CADM2: variants seen among roughly 807,000 people sequenced by gnomAD.
CADM2 encodes immunoglobulin superfamily member 4D.
A neutral mutation model predicts 49.8 loss-of-function variants in CADM2; 12 were observed. The ratio of observed to expected loss-of-function variants is 0.24; its 90% CI spans 0.15 to 0.39. CADM2 has a LOEUF of 0.39. CADM2 is among the 10% of genes least tolerant of loss of function. The pLI, the probability that CADM2 is intolerant of heterozygous loss-of-function variation, is 1.00. For missense variants in CADM2, 378 were observed against 492.3 expected (o/e 0.77, Z 2.20); for synonymous variants, 214 against 175.4 (o/e 1.22, Z -1.74).
At chr3:85,367,617 GA>G (rs2032879971) in intron 1 of CADM2, among the ~76,000 whole-genome samples, 1 of 151,866 alleles carries the variant, frequency 6.6e-6, no homozygotes, top group South Asian at 2.1e-4. Context: ...ATGGAAATTA[GA>G]AAAAGAATTG....
chr3:85,184,022 G>T (rs2040995115), intron 1 of CADM2, among the ~76,000 whole-genome samples: 1 of 152,084 alleles, frequency 6.6e-6, no homozygotes, highest in Non-Finnish European at 1.5e-5. Context: ...TTAGGTGTTT[G>T]AATGACAAGA....
chr3:86,003,406 A>T (rs1181641542), intron 8 of CADM2, among the ~76,000 whole-genome samples: 1 of 152,140 alleles, frequency 6.6e-6, no homozygotes, highest in East Asian at 1.9e-4. Context: ...GCATCTATGA[A>T]ACTGTGGAAG....
chr3:86,008,419 A>G (rs1203593527), intron 8 of CADM2, among the ~76,000 whole-genome samples: 2 of 152,170 alleles, frequency 1.3e-5, no homozygotes, highest in Non-Finnish European at 2.9e-5. Context: ...GTTTAGAATC[A>G]TTCTAAATTA....
At chr3:85,960,173 ATATTG>A (rs1214924050) in intron 7 of CADM2, among the ~76,000 whole-genome samples, 1 of 151,860 alleles carries the variant, frequency 6.6e-6, no homozygotes, top group Non-Finnish European at 1.5e-5. Flanking sequence ...TCTTGTTTTG[ATATTG>A]TTTACAATAT....
At chr3:85,104,377 T>C (rs1416559111) in intron 1 of CADM2, among the ~76,000 whole-genome samples, 1 of 152,080 alleles carries the variant, frequency 6.6e-6, no homozygotes, top group Admixed American at 6.6e-5. Flanking sequence ...GCGTTATTTC[T>C]GAGGGCTCTG....
chr3:85,169,209 G>C (rs2107681513), intron 1 of CADM2, among the ~76,000 whole-genome samples: 1 of 152,144 alleles, frequency 6.6e-6, no homozygotes, highest in African/African-American at 2.4e-5. Flanking sequence ...GGCAAGTCTA[G>C]TGTCGAACTC....
intron 5 of CADM2, among the ~76,000 whole-genome samples, chr3:85,890,317 T>C (rs1290248906): frequency 6.6e-6 from 1 of 152,042 alleles, no homozygotes. Flanking sequence ...GAAAGGTAAA[T>C]TATGCACTTG....
intron 1 of CADM2, among the ~76,000 whole-genome samples, chr3:85,702,858 A>G (rs1012305574): frequency 6.6e-6 from 1 of 152,146 alleles, no homozygotes. Flanking sequence ...CTCATATTTA[A>G]TCAGTGAACC....
intron 1 of CADM2, among the ~76,000 whole-genome samples, chr3:85,414,231 C>T (rs1318338629): frequency 6.6e-6 from 1 of 152,114 alleles, no homozygotes; most frequent in East Asian, 1.9e-4. Context: ...TTTACGATAT[C>T]TCTTCTGTTT....
rs1044733915 is a variant in CADM2 at position 85,917,403 on chromosome 3, G to A, written c.700+4860G>A. On this transcript the variant is annotated intron_variant, in intron 6 of 9. Transcript: ENST00000383699. Reference sequence around the variant, plus strand: ...CTACATATGGCTAGCCAGTTTTCCCGGCACCATTTATTAAATAGGGAATCC... The same window carrying A: ...CTACATATGGCTAGCCAGTTTTCCCAGCACCATTTATTAAATAGGGAATCC... Among the ~76,000 whole-genome samples the A allele has an allele frequency of 1.3e-3, 200 of 149,298 alleles. 1 individual carries two copies. Among genetic ancestry groups the A allele is most frequent in the Non-Finnish European group, 2.2e-3 (146 of 66,964 alleles).
intron 2 of CADM2, among the ~76,000 whole-genome samples, chr3:85,748,340 TA>T (rs35598935): frequency 0.1 from 15,427 of 149,578 alleles, 900 homozygotes; most frequent in South Asian, 0.12. Context: ...GACATCCATT[TA>T]AAAAAAAAAT....
At chr3:84,961,766 C>G (rs2030546553) in intron 1 of CADM2, among the ~76,000 whole-genome samples, 1 of 152,142 alleles carries the variant, frequency 6.6e-6, no homozygotes, top group South Asian at 2.1e-4. Flanking sequence ...TGTGCTGGCC[C>G]CGGCCGGTCA....
intron 1 of CADM2, among the ~76,000 whole-genome samples, chr3:85,503,454 A>T (rs1367212787): frequency 6.6e-6 from 1 of 152,204 alleles, no homozygotes; most frequent in Non-Finnish European, 1.5e-5. Context: ...ATTTAATGGT[A>T]GGTTAGGTTG....
chr3:86,025,438 T>C (rs1307849261), intron 8 of CADM2, among the ~76,000 whole-genome samples: 1 of 152,198 alleles, frequency 6.6e-6, no homozygotes, highest in Non-Finnish European at 1.5e-5. Flanking sequence ...AAGGACTTTT[T>C]TTTTTGTTAA....
At chr3:85,424,880 A>G (rs1488208693) in intron 1 of CADM2, among the ~76,000 whole-genome samples, 2 of 152,156 alleles carry the variant, frequency 1.3e-5, no homozygotes, top group Non-Finnish European at 1.5e-5. Context: ...ATATTTGCTT[A>G]CATACATTTG....
At chr3:85,243,876 A>C (rs1203768601) in intron 1 of CADM2, among the ~76,000 whole-genome samples, 1 of 152,054 alleles carries the variant, frequency 6.6e-6, no homozygotes, top group Non-Finnish European at 1.5e-5. Context: ...TGTAAGATCC[A>C]ATATTCTTCT....
intron 1 of CADM2, among the ~76,000 whole-genome samples, chr3:85,328,616 G>T (rs1468754923): frequency 6.6e-6 from 1 of 152,100 alleles, no homozygotes; most frequent in Non-Finnish European, 1.5e-5. Flanking sequence ...ATTTCCTCAA[G>T]AGTCAAAGAC....
At chr3:85,711,960 G>A (rs1303180636) in intron 1 of CADM2, among the ~76,000 whole-genome samples, 3 of 152,162 alleles carry the variant, frequency 2.0e-5, no homozygotes, top group Admixed American at 6.5e-5. Flanking sequence ...TACCTGTAGC[G>A]TAGTATGATG....
chr3:85,986,542 T>C (rs916272826), intron 8 of CADM2, among the ~76,000 whole-genome samples: 1 of 152,110 alleles, frequency 6.6e-6, no homozygotes, highest in Non-Finnish European at 1.5e-5. Context: ...ATGTTGGGGT[T>C]TCTTTTCTTG....
Sources: allele counts gnomAD v4.1 joint callset (sites outside exome capture counted in the v4.1 genomes callset), GRCh38; gene constraint gnomAD v4.1.1; transcripts MANE v1.5; gene names NCBI Gene and HGNC (gene_info 2026-07-23, HGNC 2026-07-21).